ST6GAL2: variants seen among roughly 807,000 people sequenced by gnomAD.
ST6GAL2 encodes ST6 beta-galactoside alpha-2,6-sialyltransferase 2, also known as beta-galactoside alpha-2,6-sialyltransferase 2.
A neutral mutation model predicts 37.5 loss-of-function variants in ST6GAL2; 24 were observed. The ratio of observed to expected loss-of-function variants is 0.64; its 90% confidence interval spans 0.46 to 0.90. The LOEUF is 0.90. Ranked by LOEUF, ST6GAL2 falls within the 40% of genes least tolerant of loss-of-function variation. ST6GAL2 has a pLI of 0.00. For missense variants in ST6GAL2, 715 were observed against 712.7 expected (o/e 1.00, Z -0.04); for synonymous variants, 306 against 295.1 (o/e 1.04, Z -0.38).
rs113789541 is a variant in ST6GAL2 at position 106,876,894 on chromosome 2, A to C, written c.-58+9199T>G. The stretch of plus-strand genomic sequence containing the variant: ...CACAGCTTCCTCCCTCCGCATGTGG[A>C]CAGAAGCAGCACATTGGTGAGAAAG... On this transcript the variant is annotated intron_variant, in intron 1 of 5. Transcript: ENST00000409382. Among the ~76,000 whole-genome samples, 643 of 152,230 alleles carry C rather than the reference A, an allele frequency of 4.2e-3. 7 individuals are homozygous for C. Among genetic ancestry groups the C allele is most frequent in the African/African-American group, 0.014 (589 of 41,510 alleles).
intron 5 of ST6GAL2, among the ~76,000 whole-genome samples, chr2:106,813,388 A>G (rs1004104242): frequency 3.3e-5 from 5 of 152,220 alleles, no homozygotes; most frequent in Non-Finnish European, 7.3e-5. Context: ...ATAAAATGTC[A>G]TGTTATATGA....
At chr2:106,857,156 T>C (rs1677605930) in intron 1 of ST6GAL2, among the ~76,000 whole-genome samples, 1 of 152,218 alleles carries the variant, frequency 6.6e-6, no homozygotes, top group Non-Finnish European at 1.5e-5. Flanking sequence ...TTTAAGACCT[T>C]ATTCAAAGAA....
At chr2:106,866,971 A>C (rs754126475) in intron 1 of ST6GAL2, among the ~76,000 whole-genome samples, 3 of 152,188 alleles carry the variant, frequency 2.0e-5, no homozygotes, top group Non-Finnish European at 4.4e-5. Context: ...AGTTAACAAT[A>C]ACAGAAAAAA....
At chr2:106,831,900 TC>T in intron 4 of ST6GAL2, among the ~76,000 whole-genome samples, 1 of 152,350 alleles carries the variant, frequency 6.6e-6, no homozygotes, top group East Asian at 1.9e-4. Context: ...ATACTATCCA[TC>T]TTTTCCAGCC....
At chr2:106,880,680 C>A (rs1414930421) in intron 1 of ST6GAL2, among the ~76,000 whole-genome samples, 1 of 152,154 alleles carries the variant, frequency 6.6e-6, no homozygotes, top group Non-Finnish European at 1.5e-5. Flanking sequence ...TTCTCACAAG[C>A]CATGTAATTT....
intron 1 of ST6GAL2, among the ~76,000 whole-genome samples, chr2:106,871,607 ATTTT>A (rs1678271874): frequency 6.6e-6 from 1 of 152,174 alleles, no homozygotes; most frequent in African/African-American, 2.4e-5. Flanking sequence ...TGCTTAAATT[ATTTT>A]ATTTTTCATT....
rs1675299325 is a variant in ST6GAL2 at position 106,802,774 on chromosome 2, T to C, written c.*3904A>G. ...CAATAGAACATACTTGGAAGCTACC[T>C]GGCCAATAGGTTCACTCATGTCTTT... On this transcript the variant is annotated 3_prime_UTR_variant, in exon 6 of 6. Coordinates refer to ENST00000409382, the MANE Select transcript of ST6GAL2 (RefSeq NM_001142351.2). The C allele has an allele frequency of 6.6e-6, 1 of 152,214 alleles. No individual in the cohort carries two copies. The highest frequency in any genetic ancestry group is 1.5e-5 in the Non-Finnish European group (1 of 68,046). The allele number at this position is 152,214 out of a possible 1,614,324, so 9.4% of individuals were successfully genotyped here.
chr2:106,802,757 C>T lies in ST6GAL2; in HGVS notation c.*3921G>A, dbSNP rs1675298697. 5.9e-5 allele frequency: 9 copies of T among 152,250 alleles called. 1 individual carries two copies. In the South Asian group the frequency reaches 1.9e-3, roughly 32 times the overall value. 9.4% of individuals were successfully genotyped at this position (152,250 alleles called of 1,614,324 possible). ...AATCAAAACAGACAATACAATAGAA[C>T]ATACTTGGAAGCTACCTGGCCAATA... is the stretch of plus-strand genomic sequence containing the variant. On this transcript the variant is annotated 3_prime_UTR_variant, in exon 6 of 6. Transcript: ENST00000409382.
intron 5 of ST6GAL2, among the ~76,000 whole-genome samples, chr2:106,828,791 T>G (rs1676299986): frequency 6.6e-6 from 1 of 151,890 alleles, no homozygotes; most frequent in Admixed American, 6.5e-5. Flanking sequence ...GTATAGGTTT[T>G]AATATTGCCA....
intron 1 of ST6GAL2, among the ~76,000 whole-genome samples, chr2:106,863,066 A>G (rs972582029): frequency 8.6e-5 from 13 of 151,680 alleles, no homozygotes; most frequent in African/African-American, 2.4e-4. Flanking sequence ...GTTTGCCATC[A>G]TGTGCGTTAC....
intron 1 of ST6GAL2, among the ~76,000 whole-genome samples, chr2:106,855,089 A>G (rs1327321599): frequency 6.6e-6 from 1 of 152,194 alleles, no homozygotes; most frequent in Non-Finnish European, 1.5e-5. Context: ...AGTCTATCAT[A>G]AGGTGGCATA....
chr2:106,822,249 T>C (rs1286972962), intron 5 of ST6GAL2, among the ~76,000 whole-genome samples: 1 of 152,082 alleles, frequency 6.6e-6, no homozygotes, highest in Non-Finnish European at 1.5e-5. Context: ...GATCTTATAT[T>C]TGAAAAAACC....
chr2:106,844,717 G>C (rs150961546), intron 1 of ST6GAL2, among the ~76,000 whole-genome samples: 38 of 152,268 alleles, frequency 2.5e-4, no homozygotes, highest in African/African-American at 8.4e-4. Flanking sequence ...CACCCTTACC[G>C]TGAACTTTTG....
chr2:106,855,985 C>T (rs989419223), intron 1 of ST6GAL2, among the ~76,000 whole-genome samples: 3 of 152,126 alleles, frequency 2.0e-5, no homozygotes, highest in Non-Finnish European at 2.9e-5. Context: ...GCTGAGCTTC[C>T]GGTGGAACAA....
intron 5 of ST6GAL2, among the ~76,000 whole-genome samples, chr2:106,820,637 A>C (rs1675969665): frequency 6.6e-6 from 1 of 152,090 alleles, no homozygotes; most frequent in Non-Finnish European, 1.5e-5. Context: ...ATGGACCTAT[A>C]ATTATTTACA....
chr2:106,807,015 G>A (rs1675440151), intron 5 of ST6GAL2, 66 bp from the exon 6 acceptor site: 2 of 1,412,096 alleles, frequency 1.4e-6, no homozygotes, highest in Non-Finnish European at 1.9e-6. Flanking sequence ...AGTTTTTTGG[G>A]GGAGGGGTGG....
chr2:106,830,631 T>C (rs564551553), intron 4 of ST6GAL2, among the ~76,000 whole-genome samples: 28 of 152,334 alleles, frequency 1.8e-4, no homozygotes, highest in Admixed American at 5.2e-4. Context: ...GGGCGTGCTG[T>C]GTTCTAAAAA....
chr2:106,844,154 A>AG, intron 1 of ST6GAL2, 120 bp from the exon 2 acceptor site: 1 of 528,350 alleles, frequency 1.9e-6, no homozygotes, highest in East Asian at 2.8e-5. Context: ...AAGGGGCACT[A>AG]GAAACCAGAA....
chr2:106,828,807 G>A (rs1676300596), intron 5 of ST6GAL2, among the ~76,000 whole-genome samples: 1 of 149,604 alleles, frequency 6.7e-6, no homozygotes, highest in East Asian at 2.0e-4. Context: ...TGCCAAAAGG[G>A]TCTAGGATAT....
Sources: gnomAD v4.1 joint callset for allele counts (sites outside exome capture counted in the v4.1 genomes callset) on GRCh38, gnomAD v4.1.1 for gene constraint, MANE v1.5 for transcripts, NCBI Gene and HGNC (gene_info 2026-07-23, HGNC 2026-07-21) for gene names.